Variants in BTBD10 observed in about 807,000 individuals in gnomAD.
The protein encoded by BTBD10 is BTB domain containing 10, also known as BTB/POZ domain-containing protein 10.
Under a neutral mutation model 53.2 loss-of-function variants are expected in BTBD10, and 21 were observed. That is an observed-to-expected ratio of 0.39 (90% CI 0.28 to 0.57). The LOEUF is 0.57. Among genes scored for constraint, BTBD10 ranks in the 20% least tolerant of loss-of-function variants. The probability of loss-of-function intolerance (pLI) is 0.53; values close to 1 mark genes in which losing one functional copy is unlikely to be tolerated. For synonymous variants in BTBD10, 149 were observed against 192.7 expected (o/e 0.77, Z 1.88); for missense variants, 360 against 594.7 (o/e 0.61, Z 4.10).
In BTBD10 at chr11:13,388,588, C is replaced by A. The variant is rs537274590; in HGVS notation, c.*243G>T. ...AAGGACCATCCCCCATACAAAGAAC[C>A]AATTTCACAAACCTACTGGTAAACA... On this transcript the variant is annotated 3_prime_UTR_variant, in exon 9 of 9. Coordinates refer to ENST00000278174, the MANE Select transcript of BTBD10 (RefSeq NM_032320.7). 91 of 423,228 alleles carry A rather than the reference C, an allele frequency of 2.2e-4. No homozygotes were observed. The highest frequency in any genetic ancestry group is 1.5e-3 in the African/African-American group (78 of 51,008). The allele number at this position is 423,228 out of a possible 1,614,324, so 26.2% of individuals were successfully genotyped here.
chr11:13,416,249 G>A (rs1178408635), intron 5 of BTBD10, among the ~76,000 whole-genome samples: 1 of 151,868 alleles, frequency 6.6e-6, no homozygotes, highest in Non-Finnish European at 1.5e-5. Flanking sequence ...AGCTACTAGG[G>A]AGGCTGAGGT....
At chr11:13,398,806 T>C (rs1284138714) in intron 8 of BTBD10, among the ~76,000 whole-genome samples, 2 of 152,178 alleles carry the variant, frequency 1.3e-5, no homozygotes, top group Admixed American at 6.5e-5. Context: ...TTATGAAGCT[T>C]AGTTTGGCTG....
At chr11:13,455,259 A>C (rs1282796855) in intron 1 of BTBD10, among the ~76,000 whole-genome samples, 1 of 152,182 alleles carries the variant, frequency 6.6e-6, no homozygotes, top group Non-Finnish European at 1.5e-5. Flanking sequence ...AGATGTTAAG[A>C]CTTCCAAAGT....
chr11:13,462,735 T>A (rs1479033649), intron 1 of BTBD10: 2 of 152,306 alleles, frequency 1.3e-5, no homozygotes, highest in African/African-American at 4.8e-5. Flanking sequence ...TGCGCCTTCC[T>A]CAGGATGTCG....
At chr11:13,391,789 C>G (rs1351283932) in intron 8 of BTBD10, among the ~76,000 whole-genome samples, 2 of 152,192 alleles carry the variant, frequency 1.3e-5, no homozygotes. Context: ...ACTAAAAATA[C>G]AAAAATTAGC....
intron 4 of BTBD10, among the ~76,000 whole-genome samples, chr11:13,417,464 T>C (rs1950141839): frequency 6.6e-6 from 1 of 152,150 alleles, no homozygotes; most frequent in South Asian, 2.1e-4. Flanking sequence ...TAGTATAGAT[T>C]TCCTGTAAGC....
At chr11:13,459,025 A>AATTT (rs1320185910) in intron 1 of BTBD10, among the ~76,000 whole-genome samples, 3 of 147,084 alleles carry the variant, frequency 2.0e-5, no homozygotes, top group African/African-American at 8.0e-5. Context: ...TGAGCATTAA[A>AATTT]ATTTATTTAT....
Position 13,436,133 on chromosome 11 carries a change from G to A in BTBD10, c.101+8891C>T, listed in dbSNP as rs564285979. 3.2e-3 allele frequency among the ~76,000 whole-genome samples: 493 copies of A among 152,230 alleles called. 3 individuals carry two copies. Among genetic ancestry groups the A allele is most frequent in the Non-Finnish European group, 5.4e-3 (368 of 68,006 alleles). On this transcript the variant is annotated intron_variant, in intron 2 of 8. Coordinates refer to ENST00000278174, the MANE Select transcript of BTBD10 (RefSeq NM_032320.7). ...TTCATCTACAAAGTGTCCTCGAATT[G>A]GCTGACCTACTGCTAATGACAGGGA... is the stretch of plus-strand genomic sequence containing the variant.
chr11:13,460,464 T>C (rs1199675603), intron 1 of BTBD10, among the ~76,000 whole-genome samples: 2 of 152,210 alleles, frequency 1.3e-5, no homozygotes, highest in Non-Finnish European at 2.9e-5. Context: ...ATGAATCAGA[T>C]TATGTGATTA....
intron 1 of BTBD10, among the ~76,000 whole-genome samples, chr11:13,450,982 C>T (rs1950846403): frequency 6.6e-6 from 1 of 152,124 alleles, no homozygotes; most frequent in Admixed American, 6.5e-5. Flanking sequence ...AGTGGCCTCC[C>T]CATCCCTCAC....
intron 2 of BTBD10, among the ~76,000 whole-genome samples, chr11:13,437,800 G>C (rs998505865): frequency 1.3e-5 from 2 of 152,002 alleles, no homozygotes; most frequent in African/African-American, 4.8e-5. Context: ...TCTCCTACCT[G>C]CTTCAAAATC....
At chr11:13,390,842 T>C (rs1949389955) in intron 8 of BTBD10, among the ~76,000 whole-genome samples, 1 of 152,188 alleles carries the variant, frequency 6.6e-6, no homozygotes, top group Admixed American at 6.5e-5. Context: ...TATGTGTGTA[T>C]GTGGTGGGGG....
Position 13,447,060 on chromosome 11 carries a change from A to G in BTBD10, c.-57-1879T>C, listed in dbSNP as rs908934959. Among the ~76,000 whole-genome samples, 6 of 151,908 alleles carry G rather than the reference A, an allele frequency of 3.9e-5. No homozygotes were observed. The South Asian group carries it at 6.2e-4, about 16-fold the overall frequency. On this transcript the variant is annotated intron_variant, in intron 1 of 8. Transcript: ENST00000278174. ...ATTCTGTAGAATGAGATTTAGAACA[A>G]TTTTTCCTTACTCTACATATCCTCA... is the stretch of plus-strand genomic sequence containing the variant.
intron 8 of BTBD10, among the ~76,000 whole-genome samples, chr11:13,400,565 G>A (rs1949691381): frequency 6.6e-6 from 1 of 152,018 alleles, no homozygotes; most frequent in South Asian, 2.1e-4. Context: ...TGCACCCACT[G>A]TCCGGCACTC....
intron 1 of BTBD10, among the ~76,000 whole-genome samples, chr11:13,457,424 T>C (rs949592436): frequency 1.2e-4 from 18 of 152,028 alleles, no homozygotes; most frequent in African/African-American, 4.1e-4. Flanking sequence ...ATCCACACAA[T>C]AGAATAACGG....
At chr11:13,394,225 A>G (rs927886820) in intron 8 of BTBD10, among the ~76,000 whole-genome samples, 16 of 152,168 alleles carry the variant, frequency 1.1e-4, no homozygotes, top group Non-Finnish European at 2.9e-5. Context: ...GTTCCCATCC[A>G]AATCTCATTA....
chr11:13,420,362 G>A (rs1008905175), intron 3 of BTBD10, among the ~76,000 whole-genome samples: 3 of 151,774 alleles, frequency 2.0e-5, no homozygotes, highest in African/African-American at 7.3e-5. Flanking sequence ...AGTGGCTTTA[G>A]TAGCTTATAA....
At chr11:13,414,585 C>T (rs564101582) in intron 5 of BTBD10, among the ~76,000 whole-genome samples, 2 of 151,710 alleles carry the variant, frequency 1.3e-5, no homozygotes, top group East Asian at 1.9e-4. Flanking sequence ...ACCTGGGAGG[C>T]GGAGCTTGCA....
chr11:13,444,489 T>C (rs550034324), intron 2 of BTBD10, among the ~76,000 whole-genome samples: 1 of 152,294 alleles, frequency 6.6e-6, no homozygotes, highest in Non-Finnish European at 1.5e-5. Context: ...AATAGATAGA[T>C]GGCCTGAAAC....
Sources: gnomAD v4.1 joint callset for allele counts (sites outside exome capture counted in the v4.1 genomes callset) on GRCh38, gnomAD v4.1.1 for gene constraint, MANE v1.5 for transcripts, NCBI Gene and HGNC (gene_info 2026-07-23, HGNC 2026-07-21) for gene names.